Variants in CRACR2A observed in about 807,000 individuals in gnomAD.
CRACR2A encodes EF-hand calcium-binding domain-containing protein 4B.
In CRACR2A, 79 loss-of-function variants were observed where a neutral mutation model predicts 90.5. That is an observed-to-expected ratio of 0.87 (90% confidence interval 0.73 to 1.05). The LOEUF is 1.05. CRACR2A is among the 50% of genes least tolerant of loss of function. The probability of loss-of-function intolerance (pLI) is 0.00; values close to 1 mark genes in which losing one functional copy is unlikely to be tolerated. For missense variants in CRACR2A, 823 were observed against 897.2 expected (o/e 0.92, Z 1.06); for synonymous variants, 338 against 356.7 (o/e 0.95, Z 0.59).
chr12:3,692,975 G>A (rs1167453611), intron 4 of CRACR2A, among the ~76,000 whole-genome samples: 1 of 152,158 alleles, frequency 6.6e-6, no homozygotes. Flanking sequence ...CACTGGTGAG[G>A]GTGTGGCTGG....
At position 3,741,635 on chromosome 12, in the gene CRACR2A, C is replaced by T. The variant is rs559332657; in HGVS notation, c.-386-8425G>A. Among the ~76,000 whole-genome samples the T allele has an allele frequency of 7.9e-5, 12 of 152,262 alleles. No individual in the cohort carries two copies. The South Asian group carries it at 2.1e-3, about 26-fold the overall frequency. ...AAGTGGTGAAGCTGAACATAAAACA[C>T]GCTCTTCCTCCCTCACACCCAATGC... On this transcript the variant is annotated intron_variant, in intron 1 of 19. Transcript: ENST00000440314.
At chr12:3,716,170 C>T (rs1181395272) in intron 2 of CRACR2A, among the ~76,000 whole-genome samples, 1 of 151,998 alleles carries the variant, frequency 6.6e-6, no homozygotes, top group African/African-American at 2.4e-5. Context: ...AGAAAGTCAA[C>T]AAGCAAAATG....
chr12:3,638,488 G>T (rs977141195), intron 13 of CRACR2A, 34 bp from the exon 14 acceptor site: 2 of 1,496,098 alleles, frequency 1.3e-6, no homozygotes, highest in African/African-American at 2.8e-5. Context: ...GAGTTGGGAG[G>T]ATTTCACAAA....
intron 8 of CRACR2A, 29 bp from the exon 9 acceptor site, chr12:3,656,435 G>A (rs781082808): frequency 1.7e-5 from 27 of 1,607,456 alleles, no homozygotes; most frequent in Non-Finnish European, 2.3e-5. Context: ...GGACACACAG[G>A]ACCCAAATGT....
At chr12:3,702,104 A>G (rs1945843110) in intron 3 of CRACR2A, among the ~76,000 whole-genome samples, 1 of 152,206 alleles carries the variant, frequency 6.6e-6, no homozygotes, top group Non-Finnish European at 1.5e-5. Context: ...CATCTGACAA[A>G]AGCTACTCCT....
At chr12:3,723,075 AAAC>A (rs1946208509) in intron 2 of CRACR2A, among the ~76,000 whole-genome samples, 3 of 152,192 alleles carry the variant, frequency 2.0e-5, no homozygotes, top group Non-Finnish European at 4.4e-5. Flanking sequence ...CATTGTAACT[AAAC>A]AATTCCTGGT....
chr12:3,661,714 C>T (rs1399193513), intron 7 of CRACR2A, among the ~76,000 whole-genome samples: 2 of 152,204 alleles, frequency 1.3e-5, no homozygotes, highest in Non-Finnish European at 2.9e-5. Flanking sequence ...GAATGACCTT[C>T]CTGTGTTTGA....
chr12:3,678,489 C>T (rs242020), intron 6 of CRACR2A, among the ~76,000 whole-genome samples: 19,383 of 152,008 alleles, frequency 0.13, 1,548 homozygotes, highest in Middle Eastern at 0.19. Flanking sequence ...CTCTAGAGAC[C>T]CAGGAGAGGT....
chr12:3,692,675 C>G (rs1259357896), intron 4 of CRACR2A, among the ~76,000 whole-genome samples: 1 of 152,126 alleles, frequency 6.6e-6, no homozygotes, highest in Non-Finnish European at 1.5e-5. Flanking sequence ...GGGGTGCACA[C>G]TTATTGGCTG....
At chr12:3,658,351 C>A (rs1944955651) in intron 8 of CRACR2A, among the ~76,000 whole-genome samples, 1 of 151,794 alleles carries the variant, frequency 6.6e-6, no homozygotes, top group Non-Finnish European at 1.5e-5. Flanking sequence ...TGCAGGATGT[C>A]ATTCGGGATA....
At chr12:3,748,157 C>G (rs1048738597) in intron 1 of CRACR2A, among the ~76,000 whole-genome samples, 6 of 152,202 alleles carry the variant, frequency 3.9e-5, no homozygotes, top group Non-Finnish European at 8.8e-5. Context: ...TTCCACTTTC[C>G]CACAAGTTCT....
intron 2 of CRACR2A, among the ~76,000 whole-genome samples, chr12:3,725,572 A>G (rs1485491033): frequency 6.6e-6 from 1 of 152,060 alleles, no homozygotes; most frequent in Non-Finnish European, 1.5e-5. Context: ...TTTTTTCCAA[A>G]TAAGGTCATA....
Position 3,731,729 on chromosome 12 carries a change from T to C in CRACR2A, c.-118+1213A>G, listed in dbSNP as rs1246124979. 2.6e-5 allele frequency: 4 copies of C among 152,246 alleles called. No individual in the cohort carries two copies. In the East Asian group the frequency reaches 7.7e-4, roughly 29 times the overall value. 9.4% of individuals were successfully genotyped at this position (152,246 alleles called of 1,614,324 possible). A position where few individuals can be genotyped will look rare whatever the true frequency, so the allele number is the denominator to read the frequency against. On this transcript the variant is annotated intron_variant, in intron 2 of 19. Transcript: ENST00000440314. The stretch of plus-strand genomic sequence containing the variant: ...GATGTAATGAGTTAAGATGAGGTCA[T>C]ACTGGAGTAGGGCGGTTCCTAATAT...
At chr12:3,635,213 T>C (rs779014509) in intron 14 of CRACR2A, among the ~76,000 whole-genome samples, 2 of 151,980 alleles carry the variant, frequency 1.3e-5, no homozygotes, top group Non-Finnish European at 1.5e-5. Context: ...GGCAGCAAAC[T>C]CTCAGGTATG....
chr12:3,658,564 G>C (rs1466421670), intron 8 of CRACR2A, among the ~76,000 whole-genome samples: 1 of 152,162 alleles, frequency 6.6e-6, no homozygotes, highest in African/African-American at 2.4e-5. Context: ...GCGCTAATTG[G>C]AGGACACGAC....
chr12:3,619,292 G>T lies in CRACR2A; in HGVS notation c.2013C>A (p.Gly671=). Residue 671 remains glycine, a synonymous_variant, in exon 18 of 20, where the codon GGC becomes GGA. Transcript: ENST00000440314. ...DNEKEREVPR[G]LGEQLATENN... ...TTACCGTGGCAAGCTGCTCTCCGAGGCCCCGGGGGACTTCCCGCTCCTTCT... is the reference window on the plus strand; with the variant it reads ...TTACCGTGGCAAGCTGCTCTCCGAGTCCCCGGGGGACTTCCCGCTCCTTCT... The T allele has an allele frequency of 6.4e-7, 1 of 1,551,572 alleles. No individual in the cohort carries two copies. Among genetic ancestry groups the T allele is most frequent in the Non-Finnish European group, 8.7e-7 (1 of 1,146,924 alleles).
At chr12:3,737,446 A>C (rs1205767937) in intron 1 of CRACR2A, among the ~76,000 whole-genome samples, 10 of 152,292 alleles carry the variant, frequency 6.6e-5, no homozygotes, top group Admixed American at 2.0e-4. Flanking sequence ...AAAATCTAAA[A>C]GGTTGGGAGA....
chr12:3,693,855 C>A (rs1945693755), intron 4 of CRACR2A, among the ~76,000 whole-genome samples: 1 of 152,314 alleles, frequency 6.6e-6, no homozygotes, highest in South Asian at 2.1e-4. Context: ...CCTACAGACG[C>A]TCCCACATCA....
intron 17 of CRACR2A, among the ~76,000 whole-genome samples, chr12:3,619,798 C>G (rs1157017128): frequency 1.3e-5 from 2 of 152,190 alleles, no homozygotes; most frequent in Non-Finnish European, 2.9e-5. Context: ...CCATGAATGC[C>G]CCATGGTTTG....
Sources: allele counts gnomAD v4.1 joint callset (sites outside exome capture counted in the v4.1 genomes callset), GRCh38; gene constraint gnomAD v4.1.1; transcripts MANE v1.5; gene names NCBI Gene and HGNC (gene_info 2026-07-23, HGNC 2026-07-21).